The following SHISA9 variants were observed in gnomAD, a reference collection of about 807,000 sequenced individuals.
The protein encoded by SHISA9 is protein shisa-9.
A neutral mutation model predicts 38.0 loss-of-function variants in SHISA9; 13 were observed. The observed-to-expected ratio is 0.34, with a 90% confidence interval of 0.22 to 0.54. SHISA9 has a LOEUF of 0.54. Among genes scored for constraint, SHISA9 ranks in the 20% least tolerant of loss-of-function variants. The probability of loss-of-function intolerance (pLI) is 0.91; values close to 1 mark genes in which losing one functional copy is unlikely to be tolerated. For missense variants in SHISA9, 538 were observed against 575.8 expected, an observed-to-expected ratio of 0.93 and a Z score of 0.67; for synonymous variants, 275 against 242.0, an observed-to-expected ratio of 1.14 and a Z score of -1.27.
chr16:12,918,884 T>A (rs1793764105), intron 2 of SHISA9, among the ~76,000 whole-genome samples: 1 of 152,192 alleles, frequency 6.6e-6, no homozygotes. Flanking sequence ...CTAGCATTGT[T>A]GGGAATATCT....
At chr16:13,368,506 AG>A in the SHISA9 span, among the ~76,000 whole-genome samples, 1 of 152,126 alleles carries the variant, frequency 6.6e-6, no homozygotes, top group East Asian at 1.9e-4. Context: ...TCGTTGCGTT[AG>A]GGGGTTTTGT....
chr16:13,443,790 A>G, the SHISA9 span, among the ~76,000 whole-genome samples: 1 of 152,040 alleles, frequency 6.6e-6, no homozygotes, highest in African/African-American at 2.4e-5. Context: ...ATGCCCCTTT[A>G]TTATTCTTCT....
At chr16:12,990,271 T>C (rs1254486578) in intron 2 of SHISA9, among the ~76,000 whole-genome samples, 1 of 152,226 alleles carries the variant, frequency 6.6e-6, no homozygotes, top group Non-Finnish European at 1.5e-5. Context: ...TATAATCAAA[T>C]GACTTATATT....
intron 2 of SHISA9, among the ~76,000 whole-genome samples, chr16:13,038,501 G>A (rs2073099113): frequency 6.6e-6 from 1 of 152,186 alleles, no homozygotes; most frequent in African/African-American, 2.4e-5. Flanking sequence ...GTCCTCCAAT[G>A]TGAGCCTTAC....
At chr16:13,169,445 A>T (rs1256243801) in intron 2 of SHISA9, among the ~76,000 whole-genome samples, 1 of 152,216 alleles carries the variant, frequency 6.6e-6, no homozygotes, top group African/African-American at 2.4e-5. Context: ...TTAGGAAAAA[A>T]TCCCCCTCTG....
At chr16:12,918,696 T>G (rs2071289867) in intron 2 of SHISA9, among the ~76,000 whole-genome samples, 1 of 152,188 alleles carries the variant, frequency 6.6e-6, no homozygotes, top group African/African-American at 2.4e-5. Context: ...ATCAGTGATC[T>G]TTTACATCAA....
chr16:12,998,696 A>G (rs1346778804), intron 2 of SHISA9, among the ~76,000 whole-genome samples: 1 of 152,066 alleles, frequency 6.6e-6, no homozygotes, highest in Non-Finnish European at 1.5e-5. Flanking sequence ...ATGCTTGACT[A>G]ATTTTAATTT....
At chr16:13,476,894 G>A in the SHISA9 span, among the ~76,000 whole-genome samples, 5 of 151,640 alleles carry the variant, frequency 3.3e-5, no homozygotes, top group East Asian at 1.9e-4. Flanking sequence ...GACTACAGGC[G>A]CCCACCACCA....
At chr16:13,381,359 G>C in the SHISA9 span, among the ~76,000 whole-genome samples, 1 of 152,148 alleles carries the variant, frequency 6.6e-6, no homozygotes, top group Non-Finnish European at 1.5e-5. Context: ...AGGGTTTCTA[G>C]TGTTCTGTGG....
chr16:12,921,432 T>C (rs1159014740), intron 2 of SHISA9, among the ~76,000 whole-genome samples: 1 of 152,164 alleles, frequency 6.6e-6, no homozygotes. Flanking sequence ...ACCTGGGATG[T>C]CCTACACTTA....
chr16:13,541,250 T>C, the SHISA9 span, among the ~76,000 whole-genome samples: 1 of 152,048 alleles, frequency 6.6e-6, no homozygotes, highest in South Asian at 2.1e-4. Context: ...CCATAAACAG[T>C]AGTGGCTCCA....
chr16:13,349,560 T>C, the SHISA9 span, among the ~76,000 whole-genome samples: 2 of 152,230 alleles, frequency 1.3e-5, no homozygotes, highest in African/African-American at 4.8e-5. Flanking sequence ...AGTTGTAGCA[T>C]TTCTGTTGCA....
chr16:13,112,751 C>A (rs982690264), intron 2 of SHISA9, among the ~76,000 whole-genome samples: 6 of 152,058 alleles, frequency 3.9e-5, no homozygotes, highest in Admixed American at 2.6e-4. Flanking sequence ...TTGGCATTGC[C>A]TTTCAGAGGC....
At chr16:12,944,719 T>C (rs901301423) in intron 2 of SHISA9, among the ~76,000 whole-genome samples, 5 of 152,228 alleles carry the variant, frequency 3.3e-5, no homozygotes, top group African/African-American at 4.8e-5. Context: ...GCAGGAATAG[T>C]ACTGTACCCT....
chr16:13,228,144 A>G (rs1369263453), intron 4 of SHISA9, among the ~76,000 whole-genome samples: 2 of 152,188 alleles, frequency 1.3e-5, no homozygotes, highest in African/African-American at 4.8e-5. Context: ...GGTGTTCCCA[A>G]GGTCTCATAA....
intron 2 of SHISA9, among the ~76,000 whole-genome samples, chr16:12,940,409 C>T (rs535555728): frequency 2.0e-5 from 3 of 151,682 alleles, no homozygotes; most frequent in Non-Finnish European, 4.4e-5. Flanking sequence ...AATAGGTTAC[C>T]TTCCTAGTCC....
At chr16:13,439,984 A>G in the SHISA9 span, among the ~76,000 whole-genome samples, 1 of 152,188 alleles carries the variant, frequency 6.6e-6, no homozygotes, top group Admixed American at 6.5e-5. Context: ...CTGTTAAGGA[A>G]CTGAGTTAAT....
chr16:13,254,177 C>T, the SHISA9 span, among the ~76,000 whole-genome samples: 2 of 152,286 alleles, frequency 1.3e-5, no homozygotes, highest in Non-Finnish European at 2.9e-5. Context: ...AATTTGCATA[C>T]ATTAGCAGTT....
the SHISA9 span, among the ~76,000 whole-genome samples, chr16:13,477,989 G>T: frequency 1.3e-5 from 2 of 152,108 alleles, no homozygotes; most frequent in African/African-American, 4.8e-5. Flanking sequence ...ATGAACAAAA[G>T]ACTAGACTGT....
Sources: allele counts gnomAD v4.1 joint callset (sites outside exome capture counted in the v4.1 genomes callset), GRCh38; gene constraint gnomAD v4.1.1; transcripts MANE v1.5; gene names NCBI Gene and HGNC (gene_info 2026-07-23, HGNC 2026-07-21).